PCTP: variants seen among roughly 807,000 people sequenced by gnomAD.
The protein encoded by PCTP is START domain-containing protein 2.
In PCTP, 27 loss-of-function variants were observed where a neutral mutation model predicts 31.0. The ratio of observed to expected loss-of-function variants is 0.87; its 90% CI spans 0.64 to 1.20. PCTP has a LOEUF of 1.20. Ranked by LOEUF, PCTP falls within the 50% of genes most tolerant of loss-of-function variation. The pLI is 0.00. For synonymous variants in PCTP, 108 were observed against 101.2 expected, an observed-to-expected ratio of 1.07 and a Z score of -0.40; for missense variants, 287 against 268.2, an observed-to-expected ratio of 1.07 and a Z score of -0.49.
downstream of PCTP, among the ~76,000 whole-genome samples, chr17:55,778,197 T>C (rs989570959): frequency 7.3e-6 from 1 of 136,064 alleles, no homozygotes; most frequent in African/African-American, 2.9e-5. Flanking sequence ...TGAGCTATAG[T>C]AAGTGCCAAA....
chr17:55,764,677 A>C (rs1910542479), intron 1 of PCTP, among the ~76,000 whole-genome samples: 1 of 152,140 alleles, frequency 6.6e-6, no homozygotes. Flanking sequence ...AGGTTATACC[A>C]CCCAAGCTAG....
chr17:55,818,766 A>G (rs1913012275), intron 3 of PCTP, among the ~76,000 whole-genome samples: 1 of 152,196 alleles, frequency 6.6e-6, no homozygotes, highest in African/African-American at 2.4e-5. Flanking sequence ...GATCCGAACC[A>G]TGAAGAAGAG....
At chr17:55,791,639 T>G (rs1443050749) in intron 3 of PCTP, among the ~76,000 whole-genome samples, 3 of 151,082 alleles carry the variant, frequency 2.0e-5, no homozygotes, top group Admixed American at 6.6e-5. Context: ...TGGCAATCAT[T>G]AAAAAGTCAG....
chr17:55,758,347 C>CA (rs1910157471), intron 1 of PCTP, among the ~76,000 whole-genome samples: 1 of 152,168 alleles, frequency 6.6e-6, no homozygotes, highest in Non-Finnish European at 1.5e-5. Flanking sequence ...CTAAAATTCT[C>CA]AAAGACCAGC....
At chr17:55,760,722 ACTT>A (rs1366434805) in intron 1 of PCTP, among the ~76,000 whole-genome samples, 1 of 152,070 alleles carries the variant, frequency 6.6e-6, no homozygotes, top group East Asian at 1.9e-4. Context: ...AAAAAAAAAT[ACTT>A]CTTCTGGCCC....
chr17:55,795,630 C>T (rs1286311524), intron 3 of PCTP, among the ~76,000 whole-genome samples: 2 of 152,018 alleles, frequency 1.3e-5, no homozygotes, highest in Admixed American at 1.3e-4. Context: ...TCACTTGATT[C>T]CTGTTGCTTT....
chr17:55,790,447 T>C (rs1287095343), intron 3 of PCTP, among the ~76,000 whole-genome samples: 1 of 151,068 alleles, frequency 6.6e-6, no homozygotes, highest in Non-Finnish European at 1.5e-5. Flanking sequence ...ATAAGCAACT[T>C]CAGCAAAGTC....
At chr17:55,805,870 C>G (rs950905461) in intron 3 of PCTP, among the ~76,000 whole-genome samples, 7 of 132,060 alleles carry the variant, frequency 5.3e-5, no homozygotes, top group Admixed American at 3.7e-4. Context: ...GTTATGGTCT[C>G]TCTCTCTCAA....
intron 1 of PCTP, among the ~76,000 whole-genome samples, chr17:55,756,777 A>T (rs1198806886): frequency 1.3e-5 from 2 of 151,512 alleles, no homozygotes; most frequent in African/African-American, 4.9e-5. Flanking sequence ...TTCTCAGGAG[A>T]TTCATATGAA....
chr17:55,808,618 T>C (rs1912650130), intron 3 of PCTP, among the ~76,000 whole-genome samples: 1 of 152,214 alleles, frequency 6.6e-6, no homozygotes, highest in Admixed American at 6.5e-5. Context: ...AGAGTTTGGA[T>C]GTTCGCACGT....
chr17:55,802,555 G>C (rs866212599), intron 3 of PCTP, among the ~76,000 whole-genome samples: 6 of 152,188 alleles, frequency 3.9e-5, no homozygotes. Context: ...GGGATGCAAG[G>C]CTGGTTCAAC....
chr17:55,794,395 C>A (rs920028651), intron 3 of PCTP, among the ~76,000 whole-genome samples: 4 of 151,488 alleles, frequency 2.6e-5, no homozygotes, highest in African/African-American at 9.7e-5. Flanking sequence ...CATTTCATTC[C>A]TTTGTAAGAA....
Position 55,776,805 on chromosome 17 carries a change from C to T in PCTP, c.*705C>T. The T allele has an allele frequency of 1.9e-6, 2 of 1,049,350 alleles. No homozygotes were observed. Among genetic ancestry groups the T allele is most frequent in the Non-Finnish European group, 2.3e-6 (2 of 872,172 alleles). The allele number at this position is 1,049,350 out of a possible 1,614,324, so 65.0% of individuals were successfully genotyped here. A position where few individuals can be genotyped will look rare whatever the true frequency, so the allele number is the denominator to read the frequency against. ...TGACAACCACATTTTTCCTCATCAT[C>T]CATGAGGAAATGGATGATTTCTCTT... is the stretch of plus-strand genomic sequence containing the variant. On this transcript the variant is annotated 3_prime_UTR_variant, in exon 6 of 6. Transcript: ENST00000268896.
At chr17:55,849,046 A>C in the PCTP span, among the ~76,000 whole-genome samples, 2 of 152,198 alleles carry the variant, frequency 1.3e-5, no homozygotes, top group Admixed American at 6.5e-5. Flanking sequence ...ATCTATCATC[A>C]AAAAATAATT....
chr17:55,781,029 A>AT (rs1474649330), downstream of PCTP, among the ~76,000 whole-genome samples: 1 of 150,898 alleles, frequency 6.6e-6, no homozygotes, highest in Non-Finnish European at 1.5e-5. Context: ...AAAAAAAAAA[A>AT]ATAGCAGCTT....
At chr17:55,796,344 G>A (rs9904387) in intron 3 of PCTP, among the ~76,000 whole-genome samples, 6,439 of 152,072 alleles carry the variant, frequency 0.042, 446 homozygotes, top group African/African-American at 0.14. Flanking sequence ...TGGTAGCACA[G>A]TCTATACTAT....
chr17:55,829,815 G>A (rs1287237070), intron 5 of PCTP, among the ~76,000 whole-genome samples: 2 of 152,046 alleles, frequency 1.3e-5, no homozygotes, highest in African/African-American at 2.4e-5. Flanking sequence ...TCCATGTTTG[G>A]TTATAGGTAT....
chr17:55,774,875 G>A lies in PCTP; in HGVS notation c.579+16G>A, dbSNP rs1223041775. ...GGCCGCCAAGGTGAGATCCCAGGAG[G>A]TGGGGCGGGGGGAGGGATGGGGGAG... On this transcript the variant is annotated intron_variant, in intron 5 of 5. Coordinates refer to ENST00000268896, the MANE Select transcript of PCTP (RefSeq NM_021213.4). 1.4e-6 allele frequency: 1 copy of A among 713,022 alleles called. No individual in the cohort carries two copies. Among genetic ancestry groups the A allele is most frequent in the African/African-American group, 1.9e-5 (1 of 53,900 alleles). The allele number at this position is 713,022 out of a possible 1,614,324, so 44.2% of individuals were successfully genotyped here.
chr17:55,817,316 T>A (rs1424027589), intron 3 of PCTP, among the ~76,000 whole-genome samples: 2 of 152,234 alleles, frequency 1.3e-5, no homozygotes, highest in Non-Finnish European at 2.9e-5. Flanking sequence ...AGGCAAAAAG[T>A]AGCTGTGCTA....
Sources: gnomAD v4.1 joint callset for allele counts (sites outside exome capture counted in the v4.1 genomes callset) on GRCh38, gnomAD v4.1.1 for gene constraint, MANE v1.5 for transcripts, NCBI Gene and HGNC (gene_info 2026-07-23, HGNC 2026-07-21) for gene names.